The following LRRC7 variants were observed in gnomAD, a reference collection of about 807,000 sequenced individuals.
The protein encoded by LRRC7 is leucine rich repeat containing 7, also known as leucine-rich repeat-containing protein 7.
Under a neutral mutation model 175.7 loss-of-function variants are expected in LRRC7, and 23 were observed. That is an observed-to-expected ratio of 0.13 (90% CI 0.09 to 0.19). The LOEUF is 0.19. Ranked by LOEUF, LRRC7 falls within the 10% of genes least tolerant of loss-of-function variation. LRRC7 has a pLI of 1.00. For synonymous variants in LRRC7, 685 were observed against 680.9 expected, an observed-to-expected ratio of 1.01 and a Z score of -0.09; for missense variants, 1,354 against 1,904.7, an observed-to-expected ratio of 0.71 and a Z score of 5.38.
At position 70,143,464 on chromosome 1, in the gene LRRC7, A is replaced by G. The variant is rs1448748181; in HGVS notation, c.*21577A>G. On this transcript the variant is annotated 3_prime_UTR_variant, in exon 27 of 27. Coordinates refer to ENST00000651989, the MANE Select transcript of LRRC7 (RefSeq NM_001370785.2). ...GTAAACATTGACATTTTACATAGAC[A>G]TATTGTATATTAATGCATGCATTTC... 6.6e-6 allele frequency: 1 copy of G among 152,194 alleles called. No homozygotes were observed. The highest frequency in any genetic ancestry group is 6.6e-5 in the Admixed American group (1 of 15,266). The allele number at this position is 152,194 out of a possible 1,614,324, so 9.4% of individuals were successfully genotyped here.
chr1:69,725,985 G>A (rs543589652), intron 2 of LRRC7, among the ~76,000 whole-genome samples: 8 of 152,312 alleles, frequency 5.3e-5, no homozygotes, highest in African/African-American at 1.4e-4. Context: ...AGCTGGAATT[G>A]ACTAACTGAG....
chr1:70,143,572 A>ATCT lies in LRRC7; in HGVS notation c.*21687_*21689dup, dbSNP rs1431527682. On this transcript the variant is annotated 3_prime_UTR_variant, in exon 27 of 27. Coordinates refer to ENST00000651989, the MANE Select transcript of LRRC7 (RefSeq NM_001370785.2). ...ACAGCAGTATAGCAAAAGAGGCTTA[A>ATCT]TCTTTATAAATTGGGGCCTTTTCTG... 3 of 152,170 alleles carry ATCT rather than the reference A, an allele frequency of 2.0e-5. No individual in the cohort carries two copies. The highest frequency in any genetic ancestry group is 7.2e-5 in the African/African-American group (3 of 41,442). 9.4% of individuals were successfully genotyped at this position (152,170 alleles called of 1,614,324 possible).
At chr1:70,098,515 A>G (rs1156985608) in intron 25 of LRRC7, among the ~76,000 whole-genome samples, 1 of 150,640 alleles carries the variant, frequency 6.6e-6, no homozygotes, top group African/African-American at 2.5e-5. Context: ...CCCTTCAAAA[A>G]ATTAATGAAT....
Position 70,131,079 on chromosome 1 carries a change from A to G in LRRC7, c.*9192A>G, listed in dbSNP as rs1398081107. On this transcript the variant is annotated 3_prime_UTR_variant, in exon 27 of 27. Transcript: ENST00000651989. ...AAATTATCAAGCCACTGTAAAAGCTATATAATTGATATGATTAACTATTTA... is the reference window on the plus strand; with the variant it reads ...AAATTATCAAGCCACTGTAAAAGCTGTATAATTGATATGATTAACTATTTA... Among the ~76,000 whole-genome samples the G allele has an allele frequency of 2.6e-5, 4 of 152,184 alleles. No homozygotes were observed. The East Asian group carries it at 7.7e-4, about 29-fold the overall frequency.
chr1:70,004,516 C>CGTT, intron 11 of LRRC7, among the ~76,000 whole-genome samples: 1 of 152,090 alleles, frequency 6.6e-6, no homozygotes, highest in Admixed American at 6.6e-5. Context: ...CCTTATGACA[C>CGTT]GTGGTTAAGT....
intron 2 of LRRC7, among the ~76,000 whole-genome samples, chr1:69,725,093 T>C (rs1015064217): frequency 1.3e-5 from 2 of 152,100 alleles, no homozygotes; most frequent in Non-Finnish European, 2.9e-5. Context: ...TATATATATG[T>C]ATATTACAGA....
intron 1 of LRRC7, among the ~76,000 whole-genome samples, chr1:69,576,024 G>C (rs1013669817): frequency 6.6e-6 from 1 of 151,842 alleles, no homozygotes; most frequent in East Asian, 1.9e-4. Context: ...TTGAGTTCAG[G>C]AGTGTGAGAC....
At chr1:69,984,400 G>A (rs1482229073) in intron 9 of LRRC7, among the ~76,000 whole-genome samples, 1 of 152,172 alleles carries the variant, frequency 6.6e-6, no homozygotes, top group Non-Finnish European at 1.5e-5. Flanking sequence ...TTGTGTATTT[G>A]TTTATTTATA....
intron 4 of LRRC7, among the ~76,000 whole-genome samples, chr1:69,809,704 A>T (rs1677583794): frequency 6.6e-6 from 1 of 152,106 alleles, no homozygotes; most frequent in South Asian, 2.1e-4. Flanking sequence ...TACGGAAAAG[A>T]CCTTCAACAA....
chr1:70,141,681 CTT>C lies in LRRC7; in HGVS notation c.*19795_*19796del, dbSNP rs1051491419. On this transcript the variant is annotated 3_prime_UTR_variant, in exon 27 of 27. Transcript: ENST00000651989. ...GCTGGATCTTATAAAATATGTGATACTTAAGTACACTGAAGTTTTAAAGTTAG... is the reference window on the plus strand; with the variant it reads ...GCTGGATCTTATAAAATATGTGATACAAGTACACTGAAGTTTTAAAGTTAG... 1.4e-4 allele frequency: 21 copies of C among 152,016 alleles called. No individual in the cohort carries two copies. Among genetic ancestry groups the C allele is most frequent in the African/African-American group, 5.1e-4 (21 of 41,408 alleles). The allele number at this position is 152,016 out of a possible 1,614,324, so 9.4% of individuals were successfully genotyped here. A position where few individuals can be genotyped will look rare whatever the true frequency, so the allele number is the denominator to read the frequency against.
chr1:70,063,913 A>G (rs1441936499), intron 23 of LRRC7, among the ~76,000 whole-genome samples: 1 of 152,030 alleles, frequency 6.6e-6, no homozygotes, highest in Non-Finnish European at 1.5e-5. Context: ...TAGAGATTCA[A>G]TATGCCAGAG....
chr1:69,840,031 T>C (rs1041606524), intron 7 of LRRC7, among the ~76,000 whole-genome samples: 1 of 152,114 alleles, frequency 6.6e-6, no homozygotes, highest in Middle Eastern at 3.4e-3. Context: ...TAAAGATATA[T>C]TAGAACTGAT....
intron 26 of LRRC7, among the ~76,000 whole-genome samples, chr1:70,111,832 C>T (rs1366848159): frequency 6.6e-6 from 1 of 152,108 alleles, no homozygotes; most frequent in Non-Finnish European, 1.5e-5. Flanking sequence ...CATCTCCATA[C>T]ATAAGCCTAA....
At chr1:70,054,235 T>C (rs1024249772) in intron 23 of LRRC7, among the ~76,000 whole-genome samples, 11 of 152,152 alleles carry the variant, frequency 7.2e-5, no homozygotes, top group African/African-American at 2.4e-4. Flanking sequence ...ATAAATTCTG[T>C]TAATTACACA....
chr1:70,013,146 G>GT, intron 13 of LRRC7, 57 bp downstream of exon 13: 1 of 1,035,088 alleles, frequency 9.7e-7, no homozygotes, highest in East Asian at 2.8e-5. Context: ...GCAAATTATA[G>GT]TTTTTTTGCC....
intron 3 of LRRC7, among the ~76,000 whole-genome samples, chr1:69,773,060 G>T (rs985225281): frequency 6.6e-6 from 1 of 152,174 alleles, no homozygotes; most frequent in Non-Finnish European, 1.5e-5. Flanking sequence ...AAAATGTTTT[G>T]TTGTTAGGGA....
At chr1:69,669,748 T>A (rs1470237809) in intron 1 of LRRC7, among the ~76,000 whole-genome samples, 1 of 152,182 alleles carries the variant, frequency 6.6e-6, no homozygotes, top group Non-Finnish European at 1.5e-5. Flanking sequence ...ATGCTGTATT[T>A]TTTTTTATTC....
At chr1:69,789,502 G>C (rs956702758) in intron 3 of LRRC7, among the ~76,000 whole-genome samples, 1 of 151,888 alleles carries the variant, frequency 6.6e-6, no homozygotes, top group Non-Finnish European at 1.5e-5. Context: ...TCTTGAAAGA[G>C]CTGTTAAAAT....
At chr1:69,631,165 C>T (rs1446453479) in intron 1 of LRRC7, among the ~76,000 whole-genome samples, 1 of 152,072 alleles carries the variant, frequency 6.6e-6, no homozygotes, top group East Asian at 1.9e-4. Flanking sequence ...TATGTCTGCA[C>T]TTTTCGAAAC....
Sources: allele counts gnomAD v4.1 joint callset (sites outside exome capture counted in the v4.1 genomes callset), GRCh38; gene constraint gnomAD v4.1.1; transcripts MANE v1.5; gene names NCBI Gene and HGNC (gene_info 2026-07-23, HGNC 2026-07-21).